Variants in PIEZO1 observed in about 807,000 individuals in gnomAD.
The protein encoded by PIEZO1 is piezo-type mechanosensitive ion channel component 1.
PIEZO1 carries 296 observed loss-of-function variants against 297.2 expected under a neutral mutation model. The observed-to-expected ratio is 1.00, with a 90% CI of 0.91 to 1.10. The LOEUF is 1.10. PIEZO1 is among the 50% of genes least tolerant of loss of function. PIEZO1 has a pLI of 0.00. For synonymous variants in PIEZO1, 2,427 were observed against 1,507.5 expected (o/e 1.61, Z -14.13); for missense variants, 5,018 against 3,455.5 (o/e 1.45, Z -11.34).
intron 1 of PIEZO1, among the ~76,000 whole-genome samples, chr16:88,770,067 G>C (rs935774989): frequency 1.3e-5 from 2 of 152,178 alleles, no homozygotes; most frequent in African/African-American, 4.8e-5. Context: ...CCGTCCCCAG[G>C]GAAGAGGACT....
At chr16:88,779,323 G>A (rs911151015) in intron 1 of PIEZO1, among the ~76,000 whole-genome samples, 2 of 152,196 alleles carry the variant, frequency 1.3e-5, no homozygotes, top group African/African-American at 2.4e-5. Context: ...ACAGGTGTGA[G>A]CCACCGCGCC....
intron 5 of PIEZO1, chr16:88,741,276 G>A (rs894444406): frequency 7.5e-6 from 4 of 534,632 alleles, no homozygotes; most frequent in African/African-American, 3.9e-5. Context: ...TAGAGGCAGA[G>A]CCCGAGTAGA....
In PIEZO1 at chr16:88,716,768, C is replaced by G. The variant is rs534283753; in HGVS notation, c.6754-37G>C. Reference sequence around the variant, plus strand: ...TGACACCCTCAGTGACTGCAGCCGCCTCCCCACACCAGCTTTCACAGGGCA... The same window carrying G: ...TGACACCCTCAGTGACTGCAGCCGCGTCCCCACACCAGCTTTCACAGGGCA... On this transcript the variant is annotated intron_variant, in intron 46 of 50. Coordinates refer to ENST00000301015, the MANE Select transcript of PIEZO1 (RefSeq NM_001142864.4). 59 of 1,549,060 alleles carry G rather than the reference C, an allele frequency of 3.8e-5. No homozygotes were observed. In the African/African-American group the frequency reaches 7.0e-4, roughly 18 times the overall value.
At chr16:88,717,513 C>G in intron 44 of PIEZO1, 1 of 552,862 alleles carries the variant, frequency 1.8e-6, no homozygotes, top group Non-Finnish European at 3.4e-6. Flanking sequence ...CAACTCCTGC[C>G]TCATACCATG....
chr16:88,736,925 C>T, intron 10 of PIEZO1, 186 bp from the exon 11 acceptor site: 1 of 491,280 alleles, frequency 2.0e-6, no homozygotes, highest in Non-Finnish European at 3.6e-6. Context: ...AGGGATGGCC[C>T]TGCCAGCACC....
chr16:88,779,762 G>T (rs1278242516), intron 1 of PIEZO1, among the ~76,000 whole-genome samples: 2 of 152,226 alleles, frequency 1.3e-5, no homozygotes, highest in African/African-American at 2.4e-5. Flanking sequence ...TGTGCTCCGG[G>T]ACCAGGCGGT....
Position 88,726,999 on chromosome 16 carries a change from C to T in PIEZO1, c.3455+40G>A, listed in dbSNP as rs773351559. ...GTCAGGGCGGGCGCCCCGGCCACCCCTCCCAGAAGGTTCCCCGTGGAGGGT... is the reference window on the plus strand; with the variant it reads ...GTCAGGGCGGGCGCCCCGGCCACCCTTCCCAGAAGGTTCCCCGTGGAGGGT... On this transcript the variant is annotated intron_variant, in intron 24 of 50. Coordinates refer to ENST00000301015, the MANE Select transcript of PIEZO1 (RefSeq NM_001142864.4). 25 of 1,548,808 alleles carry T rather than the reference C, an allele frequency of 1.6e-5. No homozygotes were observed. The South Asian group carries it at 2.7e-4, about 17-fold the overall frequency.
In PIEZO1 at chr16:88,780,185, G is replaced by T. The variant is rs954594968; in HGVS notation, c.64+4716C>A. ...CCTTCAGGTGCCTCGGCCAGCAGGT[G>T]TGGGACTCAACCGCCAAGGAGAGGA... is the stretch of plus-strand genomic sequence containing the variant. On this transcript the variant is annotated intron_variant, in intron 1 of 50. Coordinates refer to ENST00000301015, the MANE Select transcript of PIEZO1 (RefSeq NM_001142864.4). Among the ~76,000 whole-genome samples the T allele has an allele frequency of 2.0e-4, 30 of 152,214 alleles. 1 individual carries two copies. Among genetic ancestry groups the T allele is most frequent in the African/African-American group, 6.8e-4 (28 of 41,454 alleles).
rs745363309 is a variant in PIEZO1, at chr16:88,738,589, C to G, written c.613G>C (p.Val205Leu). The G allele has an allele frequency of 2.0e-6, 3 of 1,535,474 alleles. No individual in the cohort carries two copies. Among genetic ancestry groups the G allele is most frequent in the Non-Finnish European group, 2.6e-6 (3 of 1,146,656 alleles). Residue 205 changes from valine to leucine, a missense_variant, in exon 6 of 51, where the codon GTA (valine) becomes CTA (leucine). Transcript: ENST00000301015. ...LLVAAGRVLA[V>L]TLLALAGIAH... Reference sequence around the variant, plus strand: ...GTACCTGCCAGTGCAAGCAGTGTTACGGCCAGGACCCGCCCAGCCGCCACC... The same window carrying G: ...GTACCTGCCAGTGCAAGCAGTGTTAGGGCCAGGACCCGCCCAGCCGCCACC...
chr16:88,716,931 G>C (rs1418012715), intron 45 of PIEZO1, 33 bp from the exon 46 acceptor site: 3 of 1,547,000 alleles, frequency 1.9e-6, no homozygotes, highest in Non-Finnish European at 2.6e-6. Context: ...GGGCCACGAA[G>C]ATGAGCGTGG....
At chr16:88,732,038 G>T (rs980691083) in intron 21 of PIEZO1, 128 bp from the exon 22 acceptor site, 1 of 136,598 alleles carries the variant, frequency 7.3e-6, no homozygotes, top group Admixed American at 1.6e-4. Flanking sequence ...AGCAAGGACA[G>T]GGCCAGCGGC....
chr16:88,743,479 G>T (rs560887598), intron 2 of PIEZO1: 1 of 450,088 alleles, frequency 2.2e-6, no homozygotes, highest in East Asian at 7.0e-5. Flanking sequence ...ACTTCCTGGA[G>T]CTCAGGGACA....
At chr16:88,741,022 C>G (rs1905611921) in intron 5 of PIEZO1, 2 of 154,572 alleles carry the variant, frequency 1.3e-5, no homozygotes, top group African/African-American at 4.8e-5. Context: ...AGGACAGAGG[C>G]CCTGCTTCAG....
Position 88,725,642 on chromosome 16 carries a change from G to A in PIEZO1, c.4011C>T (p.Asp1337=), listed in dbSNP as rs771302729. The A allele has an allele frequency of 9.2e-5, 143 of 1,549,382 alleles. No homozygotes were observed. The highest frequency in any genetic ancestry group is 1.2e-4 in the Non-Finnish European group (132 of 1,145,968). The change falls in exon 28 of 51, where the codon GAC becomes GAT. Residue 1337 remains aspartate, a synonymous_variant. Coordinates refer to ENST00000301015, the MANE Select transcript of PIEZO1 (RefSeq NM_001142864.4). ...LYNAANLKSI[D]FHRRIEEKSL... is the part of the protein sequence containing the mutation. ...ACTTCTCCTCTATCCTGCGGTGAAA[G>A]TCAATGCTCTTGAGGTTGGCAGCGT...
intron 12 of PIEZO1, among the ~76,000 whole-genome samples, 145 bp downstream of exon 12, chr16:88,735,992 TACTCTGGGCTG>T (rs1359627245): frequency 6.6e-6 from 1 of 152,246 alleles, no homozygotes; most frequent in Non-Finnish European, 1.5e-5. Flanking sequence ...ACTGAGAAGC[TACTCTGGGCTG>T]GCTCTGGGTG....
In PIEZO1 at chr16:88,721,426, T is replaced by G; in HGVS notation, c.5408A>C (p.Tyr1803Ser). The change falls in exon 39 of 51, where the codon TAT (tyrosine) becomes TCT (serine). Residue 1803 changes from tyrosine to serine, a missense_variant. Tyr to Ser is a moderately radical substitution (Grantham distance 144). Coordinates refer to ENST00000301015, the MANE Select transcript of PIEZO1 (RefSeq NM_001142864.4). The part of the protein sequence containing the change: ...LFFHRSQLLC[Y>S]GLWDHEEDSP... ...GTCCTCCTCATGGTCCCAGAGGCCA[T>G]AGCACTGAGGGGCGGGAGGGTGTGG... 2 of 1,547,998 alleles carry G rather than the reference T, an allele frequency of 1.3e-6. No homozygotes were observed. The highest frequency in any genetic ancestry group is 1.7e-6 in the Non-Finnish European group (2 of 1,145,304).
intron 22 of PIEZO1, 92 bp from the exon 23 acceptor site, chr16:88,727,753 C>G (rs1904558418): frequency 3.5e-6 from 2 of 570,108 alleles, no homozygotes; most frequent in Non-Finnish European, 6.1e-6. Flanking sequence ...CTATCACCAG[C>G]CCTCAGGGTC....
rs551782445 is a variant in PIEZO1 at position 88,747,976 on chromosome 16, C to T, written c.160+1408G>A. Among the ~76,000 whole-genome samples, 19 of 152,314 alleles carry T rather than the reference C, an allele frequency of 1.2e-4. No homozygotes were observed. In the South Asian group the frequency reaches 2.5e-3, roughly 20 times the overall value. On this transcript the variant is annotated intron_variant, in intron 2 of 50. Coordinates refer to ENST00000301015, the MANE Select transcript of PIEZO1 (RefSeq NM_001142864.4). ...CAGAGTCCCCTGGAAAAACGCAGCC[C>T]GGTGGACACCTCGTAGCCATGGACA...
At chr16:88,718,882 TTTTTTG>T (rs1912232933) in intron 44 of PIEZO1, 1 of 122,222 alleles carries the variant, frequency 8.2e-6, no homozygotes, top group Non-Finnish European at 2.0e-5. Flanking sequence ...TAACGTTTAT[TTTTTTG>T]TAGAGAGAGT....
Sources: gnomAD v4.1 joint callset for allele counts (sites outside exome capture counted in the v4.1 genomes callset) on GRCh38, gnomAD v4.1.1 for gene constraint, MANE v1.5 for transcripts, NCBI Gene and HGNC (gene_info 2026-07-23, HGNC 2026-07-21) for gene names.